The following TFEC variants were observed in gnomAD, a reference collection of about 807,000 sequenced individuals.
TFEC encodes class E basic helix-loop-helix protein 34.
TFEC carries 31 observed loss-of-function variants against 41.6 expected under a neutral mutation model. That is an observed-to-expected ratio of 0.74 (90% CI 0.56 to 1.01). The LOEUF is 1.01. TFEC is among the 50% of genes least tolerant of loss of function. The pLI, the probability that TFEC is intolerant of heterozygous loss-of-function variation, is 0.00. For synonymous variants in TFEC, 143 were observed against 140.6 expected (o/e 1.02, Z -0.12); for missense variants, 402 against 404.1 (o/e 0.99, Z 0.04).
chr7:115,995,498 G>T (rs1479309711), intron 1 of TFEC, among the ~76,000 whole-genome samples: 1 of 152,008 alleles, frequency 6.6e-6, no homozygotes, highest in African/African-American at 2.4e-5. Context: ...ATATTATTTG[G>T]TTGTTACAAG....
intron 1 of TFEC, among the ~76,000 whole-genome samples, chr7:116,156,355 G>A (rs1798870454): frequency 6.6e-6 from 1 of 152,122 alleles, no homozygotes; most frequent in African/African-American, 2.4e-5. Flanking sequence ...TATATCATGG[G>A]TGTCAAATAG....
At chr7:115,943,665 AC>A (rs1396149657) in intron 6 of TFEC, among the ~76,000 whole-genome samples, 6 of 151,660 alleles carry the variant, frequency 4.0e-5, no homozygotes, top group Admixed American at 2.0e-4. Flanking sequence ...AACAATTTCA[AC>A]AAAGTAGGCA....
intron 2 of TFEC, among the ~76,000 whole-genome samples, chr7:115,982,451 C>G (rs1027294227): frequency 5.9e-5 from 9 of 152,100 alleles, no homozygotes; most frequent in African/African-American, 9.7e-5. Flanking sequence ...ACTATTGCGA[C>G]AACACAGGGT....
chr7:116,028,375 A>T (rs1795662899), intron 1 of TFEC, among the ~76,000 whole-genome samples: 1 of 152,184 alleles, frequency 6.6e-6, no homozygotes, highest in Non-Finnish European at 1.5e-5. Context: ...TATAATAAGG[A>T]ATATTTGCGT....
exon 1 of TFEC, chr7:116,159,803 T>C (rs1344610554): frequency 6.6e-6 from 1 of 152,142 alleles, no homozygotes; most frequent in Admixed American, 6.6e-5. Context: ...TGCTGGTGGC[T>C]CAGGCGAAGA....
chr7:116,051,507 C>T (rs1330131339), intron 3 of TFEC, among the ~76,000 whole-genome samples: 6 of 152,288 alleles, frequency 3.9e-5, no homozygotes, highest in Admixed American at 3.9e-4. Flanking sequence ...ACCTCTCAAA[C>T]AAACCTCACA....
chr7:116,043,551 C>G (rs1047081908), intron 3 of TFEC, among the ~76,000 whole-genome samples: 4 of 152,028 alleles, frequency 2.6e-5, no homozygotes, highest in Admixed American at 2.6e-4. Context: ...TCTTGCAAAG[C>G]TAAGTGAGCT....
chr7:116,159,517 A>G (rs2116509232), intron 1 of TFEC, among the ~76,000 whole-genome samples: 1 of 152,188 alleles, frequency 6.6e-6, no homozygotes, highest in Non-Finnish European at 1.5e-5. Context: ...TAACATTTAG[A>G]AGTCTCACAA....
intron 3 of TFEC, among the ~76,000 whole-genome samples, chr7:116,062,949 A>G (rs528779430): frequency 1.9e-4 from 29 of 152,246 alleles, no homozygotes; most frequent in Non-Finnish European, 3.2e-4. Flanking sequence ...TTAGGTATTT[A>G]TTTAAGAGAA....
At chr7:115,946,612 C>A (rs145048474) in intron 6 of TFEC, among the ~76,000 whole-genome samples, 1 of 111,800 alleles carries the variant, frequency 8.9e-6, no homozygotes, top group East Asian at 2.2e-4. Context: ...TTTCTTTTTT[C>A]TTTCTTTCTT....
At chr7:116,093,258 G>A (rs1650646241) in intron 3 of TFEC, among the ~76,000 whole-genome samples, 1 of 151,978 alleles carries the variant, frequency 6.6e-6, no homozygotes. Flanking sequence ...TTTGAAAAAT[G>A]GAAACCAAAA....
At chr7:116,006,271 G>A (rs1794786311) in intron 1 of TFEC, among the ~76,000 whole-genome samples, 1 of 152,180 alleles carries the variant, frequency 6.6e-6, no homozygotes. Context: ...CATGCACCTG[G>A]AAAAGCTTCA....
At chr7:116,145,358 T>G (rs1167273006) in intron 1 of TFEC, among the ~76,000 whole-genome samples, 1 of 152,146 alleles carries the variant, frequency 6.6e-6, no homozygotes. Context: ...CTGTCCCATG[T>G]GAAGTAGCTA....
intron 1 of TFEC, among the ~76,000 whole-genome samples, chr7:115,990,080 T>C (rs1220619615): frequency 1.3e-5 from 2 of 152,174 alleles, no homozygotes; most frequent in African/African-American, 4.8e-5. Context: ...TATTTGCTGT[T>C]CTGCAGCCTC....
At chr7:115,965,322 C>G (rs1336678990) in intron 3 of TFEC, among the ~76,000 whole-genome samples, 1 of 151,584 alleles carries the variant, frequency 6.6e-6, no homozygotes, top group East Asian at 1.9e-4. Context: ...TAATCTCCTA[C>G]TCTACTACTG....
intron 3 of TFEC, among the ~76,000 whole-genome samples, chr7:116,074,683 T>C (rs1224451862): frequency 1.3e-5 from 2 of 152,176 alleles, no homozygotes; most frequent in Non-Finnish European, 2.9e-5. Flanking sequence ...GCAGCCACTT[T>C]GGAAAATAAT....
chr7:116,074,368 G>C (rs1381427681), intron 3 of TFEC, among the ~76,000 whole-genome samples: 2 of 151,316 alleles, frequency 1.3e-5, no homozygotes, highest in African/African-American at 4.9e-5. Flanking sequence ...GCACGACAAG[G>C]GGCTTTTATC....
intron 1 of TFEC, among the ~76,000 whole-genome samples, chr7:116,009,297 C>G (rs562772307): frequency 6.6e-6 from 1 of 152,210 alleles, no homozygotes; most frequent in African/African-American, 2.4e-5. Context: ...AGACTGTCAA[C>G]TTCATTTTGG....
chr7:116,071,132 T>C (rs1796817989), intron 3 of TFEC, among the ~76,000 whole-genome samples: 1 of 151,326 alleles, frequency 6.6e-6, no homozygotes, highest in Non-Finnish European at 1.5e-5. Context: ...ATGAGATATT[T>C]TGAGGATCAA....
Sources: allele counts gnomAD v4.1 joint callset (sites outside exome capture counted in the v4.1 genomes callset), GRCh38; gene constraint gnomAD v4.1.1; transcripts MANE v1.5; gene names NCBI Gene and HGNC (gene_info 2026-07-23, HGNC 2026-07-21).